Variants in EBF4 observed in about 807,000 individuals in gnomAD.
The protein encoded by EBF4 is EBF transcription factor 4.
A neutral mutation model predicts 67.1 loss-of-function variants in EBF4; 34 were observed. The observed-to-expected ratio is 0.51, with a 90% CI of 0.39 to 0.67. The LOEUF (loss-of-function observed/expected upper bound fraction) is 0.67. Among genes scored for constraint, EBF4 ranks in the 30% least tolerant of loss-of-function variants. EBF4 has a pLI of 0.00. For synonymous variants in EBF4, 387 were observed against 377.7 expected (o/e 1.02, Z -0.29); for missense variants, 837 against 873.3 (o/e 0.96, Z 0.52).
exon 8 of EBF4, chr20:2,749,496 G>A (rs1426103314): frequency 1.9e-6 from 3 of 1,547,894 alleles, no homozygotes; most frequent in Non-Finnish European, 2.6e-6. Context: ...GCCGCAGGGC[G>A]CGCCGCCTGG....
exon 16 of EBF4, chr20:2,758,942 C>G: frequency 6.4e-7 from 1 of 1,551,822 alleles, no homozygotes; most frequent in Non-Finnish European, 8.7e-7. Context: ...AAGTTTCACT[C>G]TCCAGCCCGG....
chr20:2,749,303 C>A, intron 7 of EBF4, 98 bp from the exon 8 acceptor site: 1 of 901,868 alleles, frequency 1.1e-6, no homozygotes, highest in Non-Finnish European at 1.6e-6. Flanking sequence ...TAAATTCCAG[C>A]ATCCAACCAC....
intron 6 of EBF4, among the ~76,000 whole-genome samples, chr20:2,712,370 A>C (rs982795619): frequency 6.6e-6 from 1 of 152,204 alleles, no homozygotes; most frequent in South Asian, 2.1e-4. Context: ...ATTTCATTTC[A>C]TAGGCAGGAC....
chr20:2,717,559 T>C (rs1379341548), intron 6 of EBF4, among the ~76,000 whole-genome samples: 1 of 152,206 alleles, frequency 6.6e-6, no homozygotes, highest in Non-Finnish European at 1.5e-5. Flanking sequence ...TTTGTTGCTA[T>C]TGTAAATGGC....
intron 6 of EBF4, among the ~76,000 whole-genome samples, chr20:2,710,201 T>C (rs564306927): frequency 1.3e-5 from 2 of 152,326 alleles, no homozygotes; most frequent in Admixed American, 1.3e-4. Context: ...CAGGCTAAAG[T>C]GCAGTGGTGT....
intron 6 of EBF4, among the ~76,000 whole-genome samples, chr20:2,713,895 G>A (rs1204424506): frequency 6.6e-6 from 1 of 152,188 alleles, no homozygotes; most frequent in Non-Finnish European, 1.5e-5. Flanking sequence ...GCCAGGGAAG[G>A]TGGAGACAAG....
intron 14 of EBF4, among the ~76,000 whole-genome samples, chr20:2,752,984 GC>G (rs926214754): frequency 4.3e-4 from 65 of 152,222 alleles, no homozygotes; most frequent in African/African-American, 1.5e-3. Flanking sequence ...GCTTCCAGCC[GC>G]CCCCCAGCTC....
At chr20:2,700,324 G>A (rs1267966472) in intron 1 of EBF4, among the ~76,000 whole-genome samples, 2 of 151,932 alleles carry the variant, frequency 1.3e-5, no homozygotes, top group African/African-American at 4.8e-5. Context: ...TCTGCTTCTC[G>A]GGGAACCCAA....
exon 7 of EBF4, chr20:2,748,608 C>G (rs1269917277): frequency 6.4e-7 from 1 of 1,551,564 alleles, no homozygotes; most frequent in Non-Finnish European, 8.7e-7. Context: ...GCGGGGAATC[C>G]CAGAGACATG....
In EBF4 at chr20:2,693,632, C is replaced by G; in HGVS notation, c.-14C>G. ...ATCCGGGGCGGCGGGGGCGCTCACT[C>G]ACCGCGCGCCCTCATGTTCCCTGCG... On this transcript the variant is annotated 5_prime_UTR_variant, in exon 1 of 17. Coordinates refer to ENST00000609451, the Ensembl canonical transcript of EBF4. The surrounding 1 kb of genome is among the most constrained non-coding windows in gnomAD (Gnocchi z 4.6). 7.2e-7 allele frequency: 1 copy of G among 1,391,524 alleles called. No individual in the cohort carries two copies. Among genetic ancestry groups the G allele is most frequent in the Non-Finnish European group, 9.3e-7 (1 of 1,075,958 alleles). 86.2% of individuals were successfully genotyped at this position (1,391,524 alleles called of 1,614,324 possible).
intron 6 of EBF4, among the ~76,000 whole-genome samples, chr20:2,718,789 T>C (rs1600217298): frequency 6.6e-6 from 1 of 152,326 alleles, no homozygotes; most frequent in East Asian, 1.9e-4. Context: ...ATTTCCACTT[T>C]GGTATTTATT....
chr20:2,711,475 A>G (rs555900967), intron 6 of EBF4, among the ~76,000 whole-genome samples: 1 of 152,380 alleles, frequency 6.6e-6, no homozygotes, highest in Admixed American at 6.5e-5. Flanking sequence ...ATTACTAAGT[A>G]GAATTGCTGG....
intron 10 of EBF4, among the ~76,000 whole-genome samples, chr20:2,750,897 G>C (rs578217437): frequency 6.6e-6 from 1 of 152,172 alleles, no homozygotes; most frequent in African/African-American, 2.4e-5. Context: ...CCCCAGAAGT[G>C]AGTGCTTTCT....
intron 7 of EBF4, 85 bp downstream of exon 7, chr20:2,748,715 T>C: frequency 6.9e-7 from 1 of 1,453,930 alleles, no homozygotes; most frequent in African/African-American, 1.4e-5. Context: ...GCTGTGACCC[T>C]GCCACCCTGG....
intron 6 of EBF4, among the ~76,000 whole-genome samples, chr20:2,746,028 CGAGCACACGAGTACTTAATTTAAAT>C (rs1472727519): frequency 6.6e-6 from 1 of 152,116 alleles, no homozygotes; most frequent in Non-Finnish European, 1.5e-5. Context: ...GCCAAAGGAC[CGAGCACACGAGTACTTAATTTAAAT>C]GAGCTGGTCT....
In EBF4 at chr20:2,711,179, A is replaced by AATAATAATAATAATAAAATT. The variant is rs962080100; in HGVS notation, c.557+1538_557+1539insTAATAATAATAATAAAATTA. ...TAATAATAATAATAATAATAATAAT[A>AATAATAATAATAATAAAATT]AAATTAAATTAAAATTAAAATGGTG... On this transcript the variant is annotated intron_variant, in intron 6 of 16. Coordinates refer to ENST00000609451, the Ensembl canonical transcript of EBF4. Among the ~76,000 whole-genome samples, 167 of 149,646 alleles carry AATAATAATAATAATAAAATT rather than the reference A, an allele frequency of 1.1e-3. No individual in the cohort carries two copies. In the South Asian group the frequency reaches 0.016, roughly 14 times the overall value.
intron 4 of EBF4, 99 bp downstream of exon 4, chr20:2,706,363 C>T (rs2087459152): frequency 1.5e-6 from 2 of 1,365,498 alleles, no homozygotes; most frequent in Admixed American, 2.0e-5. Flanking sequence ...CCCTCATCTC[C>T]CTATGCCCTC....
intron 6 of EBF4, among the ~76,000 whole-genome samples, chr20:2,735,728 A>G (rs1006547281): frequency 2.6e-5 from 4 of 152,226 alleles, no homozygotes; most frequent in East Asian, 1.9e-4. Flanking sequence ...GGCTGGGACT[A>G]TGATGGATGC....
intron 13 of EBF4, 41 bp from the exon 14 acceptor site, chr20:2,752,316 C>T (rs1455224674): frequency 5.8e-6 from 7 of 1,199,880 alleles, no homozygotes; most frequent in African/African-American, 1.6e-5. Context: ...CGCCCCTCCC[C>T]GGCCGGCACC....
Sources: allele counts gnomAD v4.1 joint callset (sites outside exome capture counted in the v4.1 genomes callset), GRCh38; gene constraint gnomAD v4.1.1; non-coding constraint Gnocchi (gnomAD v3.1); transcripts MANE v1.5; gene names NCBI Gene and HGNC (gene_info 2026-07-23, HGNC 2026-07-21).